Variants in CD44 observed in about 807,000 individuals in gnomAD.
The protein encoded by CD44 is CD44 molecule (IN blood group), also known as CD44 antigen.
CD44 carries 49 observed loss-of-function variants against 88.8 expected under a neutral mutation model. The observed-to-expected ratio is 0.55, with a 90% confidence interval of 0.44 to 0.70. The LOEUF is 0.70. Among genes scored for constraint, CD44 ranks in the 30% least tolerant of loss-of-function variants. The pLI is 0.00. For synonymous variants in CD44, 325 were observed against 312.3 expected (o/e 1.04, Z -0.43); for missense variants, 883 against 913.8 (o/e 0.97, Z 0.43).
chr11:35,202,762 C>T (rs1308201926), intron 9 of CD44, among the ~76,000 whole-genome samples: 1 of 152,138 alleles, frequency 6.6e-6, no homozygotes, highest in African/African-American at 2.4e-5. Flanking sequence ...GCAGATCTTA[C>T]ATCCCATTAC....
rs543092581 is a variant in CD44 at position 35,231,907 on chromosome 11, T to A, written c.*2574T>A. 5.4e-4 allele frequency: 82 copies of A among 152,342 alleles called. 1 individual carries two copies. The highest frequency in any genetic ancestry group is 1.9e-3 in the African/African-American group (80 of 41,590). 9.4% of individuals were successfully genotyped at this position (152,342 alleles called of 1,614,324 possible). ...GACTTCCCTTAAAATTAGCTCTGAG[T>A]GAAAAATCAAAAGAGACAAAAGACA... On this transcript the variant is annotated 3_prime_UTR_variant, in exon 18 of 18. Coordinates refer to ENST00000428726, the MANE Select transcript of CD44 (RefSeq NM_000610.4).
chr11:35,171,509 A>G (rs1433488725), intron 1 of CD44, among the ~76,000 whole-genome samples: 1 of 152,248 alleles, frequency 6.6e-6, no homozygotes, highest in Non-Finnish European at 1.5e-5. Flanking sequence ...TAGGAAGGCT[A>G]AAGGTTGAGT....
At chr11:35,185,709 A>T (rs1266288933) in intron 3 of CD44, among the ~76,000 whole-genome samples, 1 of 152,230 alleles carries the variant, frequency 6.6e-6, no homozygotes, top group African/African-American at 2.4e-5. Context: ...GCACACACAC[A>T]CAGAATAAAA....
At chr11:35,210,155 C>A in intron 13 of CD44, 101 bp downstream of exon 13, 1 of 628,214 alleles carries the variant, frequency 1.6e-6, no homozygotes, top group Non-Finnish European at 2.7e-6. Flanking sequence ...CATTAGCTGC[C>A]GTTACACTGT....
At chr11:35,210,268 T>C (rs1219161960) in intron 13 of CD44, 2 of 357,670 alleles carry the variant, frequency 5.6e-6, no homozygotes, top group African/African-American at 2.1e-5. Flanking sequence ...ATCTTAAAAG[T>C]TGGGTTTCTT....
chr11:35,213,882 C>T (rs1166013715), intron 14 of CD44: 1 of 152,138 alleles, frequency 6.6e-6, no homozygotes. Flanking sequence ...AAGTGTCACC[C>T]GCTTCCACCT....
At chr11:35,190,176 G>T in intron 5 of CD44, 111 bp downstream of exon 5, 1 of 926,646 alleles carries the variant, frequency 1.1e-6, no homozygotes, top group Non-Finnish European at 1.7e-6. Context: ...CTAGACAGCT[G>T]GAAGCTGGTG....
chr11:35,204,783 C>A, intron 10 of CD44, 143 bp downstream of exon 10: 1 of 708,374 alleles, frequency 1.4e-6, no homozygotes, highest in Non-Finnish European at 2.3e-6. Context: ...GCAGTTCACA[C>A]AGAGCCAAAC....
At chr11:35,147,020 TAGG>T (rs1859302571) in intron 1 of CD44, among the ~76,000 whole-genome samples, 2 of 152,222 alleles carry the variant, frequency 1.3e-5, no homozygotes, top group African/African-American at 4.8e-5. Flanking sequence ...AAGTTGAGGA[TAGG>T]GTAGGGCTGA....
chr11:35,211,844 A>G (rs1948424436), intron 14 of CD44, among the ~76,000 whole-genome samples: 1 of 152,204 alleles, frequency 6.6e-6, no homozygotes, highest in Non-Finnish European at 1.5e-5. Flanking sequence ...TTCGACTAAT[A>G]TACTCTACTT....
At chr11:35,189,308 G>T (rs1946035924) in intron 4 of CD44, among the ~76,000 whole-genome samples, 1 of 152,142 alleles carries the variant, frequency 6.6e-6, no homozygotes, top group Non-Finnish European at 1.5e-5. Context: ...CCTTAAAAAA[G>T]AAAATCAAAA....
At chr11:35,192,395 A>G (rs1946349291) in intron 5 of CD44, among the ~76,000 whole-genome samples, 1 of 152,234 alleles carries the variant, frequency 6.6e-6, no homozygotes, top group African/African-American at 2.4e-5. Context: ...TCGTATTTCT[A>G]AAGTCCAGTG....
chr11:35,188,776 A>G (rs1033411449), intron 4 of CD44, among the ~76,000 whole-genome samples: 16 of 152,024 alleles, frequency 1.1e-4, no homozygotes, highest in African/African-American at 3.9e-4. Flanking sequence ...CGTGTCAACT[A>G]AAAATACAAA....
At chr11:35,221,261 T>C (rs1406584256) in intron 16 of CD44, among the ~76,000 whole-genome samples, 1 of 152,138 alleles carries the variant, frequency 6.6e-6, no homozygotes, top group Non-Finnish European at 1.5e-5. Flanking sequence ...TTTAATACAA[T>C]GTAAGGTGGA....
At chr11:35,139,715 T>A in intron 1 of CD44, 1 of 535,408 alleles carries the variant, frequency 1.9e-6, no homozygotes, top group Non-Finnish European at 3.6e-6. Context: ...CAGGCTCCTG[T>A]GCCCAAGGGC....
chr11:35,167,871 G>A (rs890922703), intron 1 of CD44, among the ~76,000 whole-genome samples: 2 of 152,312 alleles, frequency 1.3e-5, no homozygotes, highest in Admixed American at 1.3e-4. Context: ...TGTAGAGAGA[G>A]CATTCAGGCT....
chr11:35,179,235 G>A (rs1167114230), intron 2 of CD44, among the ~76,000 whole-genome samples: 2 of 152,148 alleles, frequency 1.3e-5, no homozygotes, highest in Non-Finnish European at 2.9e-5. Flanking sequence ...AAGATGAAAA[G>A]CATCAATGTG....
At chr11:35,225,544 CG>C (rs1213728999) in intron 17 of CD44, among the ~76,000 whole-genome samples, 1 of 152,064 alleles carries the variant, frequency 6.6e-6, no homozygotes, top group Non-Finnish European at 1.5e-5. Flanking sequence ...TGGCTGGGCG[CG>C]GGGGCTCACA....
At chr11:35,156,959 A>G (rs1941946748) in intron 1 of CD44, among the ~76,000 whole-genome samples, 1 of 152,172 alleles carries the variant, frequency 6.6e-6, no homozygotes, top group African/African-American at 2.4e-5. Context: ...GCTTGGGCCC[A>G]GGAGTTTGAG....
Sources: gnomAD v4.1 joint callset for allele counts (sites outside exome capture counted in the v4.1 genomes callset) on GRCh38, gnomAD v4.1.1 for gene constraint, MANE v1.5 for transcripts, NCBI Gene and HGNC (gene_info 2026-07-23, HGNC 2026-07-21) for gene names.